The following CEMIP variants were observed in gnomAD, a reference collection of about 807,000 sequenced individuals.
CEMIP encodes cell migration-inducing and hyaluronan-binding protein.
A neutral mutation model predicts 156.9 loss-of-function variants in CEMIP; 105 were observed. That is an observed-to-expected ratio of 0.67 (90% CI 0.57 to 0.79). The LOEUF (loss-of-function observed/expected upper bound fraction) is 0.79. Among genes scored for constraint, CEMIP ranks in the 30% least tolerant of loss-of-function variants. The pLI is 0.00. For missense variants in CEMIP, 1,457 were observed against 1,769.4 expected, an observed-to-expected ratio of 0.82 and a Z score of 3.17; for synonymous variants, 676 against 668.4, an observed-to-expected ratio of 1.01 and a Z score of -0.17.
chr15:80,906,646 C>G lies in CEMIP; in HGVS notation c.1412-17C>G, dbSNP rs1425344113. On this transcript the variant is annotated splice_polypyrimidine_tract_variant and intron_variant, in intron 12 of 29. Transcript: ENST00000394685. This position sits in a 1 kb window ranked among gnomAD's most constrained non-coding sequence, Gnocchi z 4.3. ...GCAGTACCTGCTGTTGTTTACCGTC[C>G]TCCCTTTCTGCCCTAGGGAAACCAA... is the stretch of plus-strand genomic sequence containing the variant. The G allele has an allele frequency of 6.2e-7, 1 of 1,606,516 alleles. No individual in the cohort carries two copies. Among genetic ancestry groups the G allele is most frequent in the Non-Finnish European group, 8.5e-7 (1 of 1,174,788 alleles).
At chr15:80,892,941 C>T (rs1899082828) in intron 10 of CEMIP, among the ~76,000 whole-genome samples, 1 of 152,240 alleles carries the variant, frequency 6.6e-6, no homozygotes, top group African/African-American at 2.4e-5. Context: ...AATCCCAGCA[C>T]TTTGGGAGGC....
intron 22 of CEMIP, 98 bp from the exon 23 acceptor site, chr15:80,933,147 T>C: frequency 9.3e-7 from 1 of 1,071,872 alleles, no homozygotes; most frequent in Non-Finnish European, 1.4e-6. Context: ...GGCTGGCTTG[T>C]AACGTCAGTG....
chr15:80,847,710 C>T (rs1364988259), intron 1 of CEMIP, among the ~76,000 whole-genome samples: 1 of 152,222 alleles, frequency 6.6e-6, no homozygotes, highest in Non-Finnish European at 1.5e-5. Flanking sequence ...TCCATGGGCT[C>T]AGAAGGCTGA....
chr15:80,842,410 C>G (rs1897445752), intron 1 of CEMIP, among the ~76,000 whole-genome samples: 1 of 152,068 alleles, frequency 6.6e-6, no homozygotes, highest in Non-Finnish European at 1.5e-5. Context: ...GGGAGGCAGA[C>G]AGATGATTGC....
intron 1 of CEMIP, among the ~76,000 whole-genome samples, chr15:80,827,806 C>T (rs1203568194): frequency 2.6e-5 from 4 of 152,166 alleles, no homozygotes; most frequent in Admixed American, 6.5e-5. Context: ...AATCTCCTCC[C>T]TCCATCTCCC....
intron 1 of CEMIP, among the ~76,000 whole-genome samples, chr15:80,836,661 T>TA (rs1231952388): frequency 6.6e-6 from 1 of 152,022 alleles, no homozygotes; most frequent in Non-Finnish European, 1.5e-5. Flanking sequence ...TCTGCCTCCT[T>TA]ACCTCCTGGG....
intron 1 of CEMIP, among the ~76,000 whole-genome samples, chr15:80,840,100 C>A (rs1897364289): frequency 6.6e-6 from 1 of 152,160 alleles, no homozygotes; most frequent in African/African-American, 2.4e-5. Flanking sequence ...TGGTAGAAGG[C>A]AGAAAGTGGA....
chr15:80,817,602 A>AAAT (rs59356064), intron 1 of CEMIP, among the ~76,000 whole-genome samples: 42,217 of 138,376 alleles, frequency 0.31, 6,482 homozygotes, highest in Non-Finnish European at 0.33. Context: ...CCCTGTCTCA[A>AAAT]AATAATAATA....
intron 1 of CEMIP, among the ~76,000 whole-genome samples, chr15:80,826,058 C>T (rs1897030410): frequency 6.6e-6 from 1 of 152,232 alleles, no homozygotes; most frequent in South Asian, 2.1e-4. Flanking sequence ...TTCTTCTGTG[C>T]AACTCCATCC....
In CEMIP at chr15:80,813,582, G is replaced by A. The variant is rs866925612; in HGVS notation, c.-176+33968G>A. 4.6e-5 allele frequency among the ~76,000 whole-genome samples: 7 copies of A among 152,102 alleles called. 1 individual carries two copies. In the South Asian group the frequency reaches 1.2e-3, roughly 27 times the overall value. On this transcript the variant is annotated intron_variant, in intron 1 of 29. Transcript: ENST00000394685. ...GCTGGTCTCGAATTCCTGTCCTCAGGTGATCCACCTGCGTTGGCCTCCCAA... is the reference window on the plus strand; with the variant it reads ...GCTGGTCTCGAATTCCTGTCCTCAGATGATCCACCTGCGTTGGCCTCCCAA...
Position 80,909,371 on chromosome 15 carries a change from G to A in CEMIP, c.1797+65G>A, listed in dbSNP as rs1215418460. The A allele has an allele frequency of 1.2e-5, 18 of 1,515,446 alleles. No individual in the cohort carries two copies. The East Asian group carries it at 4.1e-4, about 34-fold the overall frequency. 93.9% of individuals were successfully genotyped at this position (1,515,446 alleles called of 1,614,324 possible). A position where few individuals can be genotyped will look rare whatever the true frequency, so the allele number is the denominator to read the frequency against. Reference sequence around the variant, plus strand: ...CATGGATGGTTAGCACTGGAGGGGTGTTTGGATGTAGACACTTAATCCAGG... The same window carrying A: ...CATGGATGGTTAGCACTGGAGGGGTATTTGGATGTAGACACTTAATCCAGG... On this transcript the variant is annotated intron_variant, in intron 14 of 29. Coordinates refer to ENST00000394685, the MANE Select transcript of CEMIP (RefSeq NM_001293298.2).
chr15:80,782,370 C>A (rs1895820027), intron 1 of CEMIP, among the ~76,000 whole-genome samples: 1 of 152,146 alleles, frequency 6.6e-6, no homozygotes, highest in African/African-American at 2.4e-5. Flanking sequence ...CATTGCCAAG[C>A]AGGAAGCACC....
chr15:80,784,729 A>G (rs1412827191), intron 1 of CEMIP, among the ~76,000 whole-genome samples: 2 of 152,190 alleles, frequency 1.3e-5, no homozygotes, highest in East Asian at 1.9e-4. Context: ...TCACAGGGGC[A>G]CGTGTTAAAG....
intron 1 of CEMIP, among the ~76,000 whole-genome samples, chr15:80,814,020 A>C (rs1896730310): frequency 6.7e-6 from 1 of 150,068 alleles, no homozygotes; most frequent in African/African-American, 2.5e-5. Flanking sequence ...CATCCATAAA[A>C]GGATAAAGTC....
At position 80,909,120 on chromosome 15, in the gene CEMIP, A is replaced by C. The variant is rs773402234; in HGVS notation, c.1611A>C (p.Ala537=). Residue 537 remains alanine, a synonymous_variant, in exon 14 of 30, where the codon GCA becomes GCC. Coordinates refer to ENST00000394685, the MANE Select transcript of CEMIP (RefSeq NM_001293298.2). ...AGTTTGCTCTGGGATTTAAGGCAGC[A>C]CACTTGGAGGGCACGGAGCTGAAGC... ...HIKFALGFKA[A]HLEGTELKHM... is the part of the protein sequence containing the mutation. 1.9e-6 allele frequency: 3 copies of C among 1,614,104 alleles called. No homozygotes were observed. In the East Asian group the frequency reaches 6.7e-5, roughly 36 times the overall value.
At chr15:80,801,983 C>T (rs893603130) in intron 1 of CEMIP, among the ~76,000 whole-genome samples, 17 of 152,172 alleles carry the variant, frequency 1.1e-4, no homozygotes, top group African/African-American at 4.1e-4. Context: ...ATACTACACT[C>T]TTTTATATTA....
At chr15:80,794,536 A>G (rs1896166130) in intron 1 of CEMIP, among the ~76,000 whole-genome samples, 1 of 152,236 alleles carries the variant, frequency 6.6e-6, no homozygotes, top group South Asian at 2.1e-4. Context: ...TTAAAAAGAA[A>G]CAGGTAAAAT....
chr15:80,886,451 A>C (rs569010215), intron 7 of CEMIP, among the ~76,000 whole-genome samples: 1 of 152,226 alleles, frequency 6.6e-6, no homozygotes. Context: ...ACACCGTTCA[A>C]TAGTGATTCA....
chr15:80,861,564 TG>T (rs2141768806), intron 1 of CEMIP, among the ~76,000 whole-genome samples: 1 of 151,966 alleles, frequency 6.6e-6, no homozygotes, highest in African/African-American at 2.4e-5. Context: ...GTGGGGAGAA[TG>T]GGGAAAAAAG....
Sources: gnomAD v4.1 joint callset for allele counts (sites outside exome capture counted in the v4.1 genomes callset) on GRCh38, gnomAD v4.1.1 for gene constraint, Gnocchi (gnomAD v3.1) non-coding constraint, MANE v1.5 for transcripts, NCBI Gene and HGNC (gene_info 2026-07-23, HGNC 2026-07-21) for gene names.